CCDC57: variants seen among roughly 807,000 people sequenced by gnomAD.
CCDC57 encodes coiled-coil domain containing 57, also known as coiled-coil domain-containing protein 57.
A neutral mutation model predicts 118.9 loss-of-function variants in CCDC57; 118 were observed. The observed-to-expected ratio is 0.99, with a 90% confidence interval of 0.86 to 1.16. The LOEUF (loss-of-function observed/expected upper bound fraction) is 1.16, where lower values mean the gene tolerates loss of function less well. CCDC57 is among the 50% of genes most tolerant of loss of function. The probability of loss-of-function intolerance (pLI) is 0.00; values close to 1 mark genes in which losing one functional copy is unlikely to be tolerated. For synonymous variants in CCDC57, 527 were observed against 532.9 expected (o/e 0.99, Z 0.15); for missense variants, 1,300 against 1,320.7 (o/e 0.98, Z 0.24).
chr17:82,149,250 T>G, intron 16 of CCDC57, among the ~76,000 whole-genome samples: 3 of 82,398 alleles, frequency 3.6e-5, no homozygotes, highest in Non-Finnish European at 7.2e-5. Flanking sequence ...GATGGATGGA[T>G]GGATGGATGG....
At chr17:82,211,932 A>G (rs566246237) in intron 1 of CCDC57, among the ~76,000 whole-genome samples, 61 of 152,046 alleles carry the variant, frequency 4.0e-4, no homozygotes, top group African/African-American at 1.4e-3. Context: ...GGAACTGTTT[A>G]TTTTCCTGTA....
chr17:82,137,923 C>T (rs566706325), intron 16 of CCDC57, among the ~76,000 whole-genome samples: 92 of 151,928 alleles, frequency 6.1e-4, no homozygotes, highest in African/African-American at 2.2e-3. Flanking sequence ...CCACCTGCCT[C>T]GGCCTCCCAA....
In CCDC57 at chr17:82,194,153, A is replaced by C. The variant is rs1179467702; in HGVS notation, c.619-14T>G. 2 of 1,604,128 alleles carry C rather than the reference A, an allele frequency of 1.2e-6. No homozygotes were observed. ...CAGTAGTTTAACCTTTGAATGATAA[A>C]AATGAGTTCAAAATGAGGTGATAAT... On this transcript the variant is annotated splice_polypyrimidine_tract_variant and intron_variant, in intron 5 of 19. Transcript: ENST00000665763.
intron 1 of CCDC57, among the ~76,000 whole-genome samples, chr17:82,209,004 G>A (rs889404933): frequency 1.3e-5 from 2 of 152,128 alleles, no homozygotes; most frequent in Non-Finnish European, 2.9e-5. Flanking sequence ...CGTACTTATA[G>A]GTGTGAACCA....
In CCDC57 at chr17:82,159,348, A is replaced by C. The variant is rs535260146; in HGVS notation, c.2041-1400T>G. 6.6e-5 allele frequency among the ~76,000 whole-genome samples: 10 copies of C among 152,278 alleles called. 1 individual carries two copies. In the South Asian group the frequency reaches 1.9e-3, roughly 28 times the overall value. On this transcript the variant is annotated intron_variant, in intron 14 of 19. Coordinates refer to ENST00000665763, the Ensembl canonical transcript of CCDC57. The stretch of plus-strand genomic sequence containing the variant: ...TTCTTGTCTGTAGCATTTGTGCGGG[A>C]AATGGGGGAAACAGCAACTGCAAAG...
At chr17:82,141,734 T>G (rs1368488706) in intron 16 of CCDC57, among the ~76,000 whole-genome samples, 1 of 152,226 alleles carries the variant, frequency 6.6e-6, no homozygotes. Flanking sequence ...CCCTCAAGCC[T>G]TGTTACAACA....
At chr17:82,152,473 C>T (rs1409583150) in intron 15 of CCDC57, among the ~76,000 whole-genome samples, 3 of 152,220 alleles carry the variant, frequency 2.0e-5, no homozygotes, top group African/African-American at 4.8e-5. Flanking sequence ...CCTGGGTCAA[C>T]CCTAGATCTG....
intron 19 of CCDC57, among the ~76,000 whole-genome samples, chr17:82,103,413 T>A (rs1199213967): frequency 1.3e-5 from 2 of 152,116 alleles, no homozygotes; most frequent in African/African-American, 4.8e-5. Flanking sequence ...TACCACCCTT[T>A]ATCTCTCAAC....
intron 15 of CCDC57, chr17:82,154,385 C>A (rs1396468143): frequency 6.6e-6 from 1 of 152,370 alleles, no homozygotes; most frequent in Non-Finnish European, 1.5e-5. Context: ...GTCCCTGGAC[C>A]CCTGTGCACT....
At chr17:82,109,471 T>C (rs892233127) in intron 19 of CCDC57, among the ~76,000 whole-genome samples, 11 of 152,176 alleles carry the variant, frequency 7.2e-5, no homozygotes, top group Admixed American at 2.0e-4. Flanking sequence ...ATAAATAATA[T>C]GGAGATTAAG....
chr17:82,120,810 C>A (rs940345962), intron 19 of CCDC57, among the ~76,000 whole-genome samples: 1 of 151,984 alleles, frequency 6.6e-6, no homozygotes, highest in Non-Finnish European at 1.5e-5. Flanking sequence ...GGCTGGAGTG[C>A]AGTGGTGCAA....
At position 82,109,432 on chromosome 17, in the gene CCDC57, A is replaced by T. The variant is rs139830671; in HGVS notation, c.2900-7566T>A. Among the ~76,000 whole-genome samples the T allele has an allele frequency of 7.9e-3, 1,204 of 152,400 alleles. 5 individuals are homozygous for T. Among genetic ancestry groups the T allele is most frequent in the Non-Finnish European group, 0.013 (869 of 68,040 alleles). Reference sequence around the variant, plus strand: ...AACTTGATTTCTCCCATGTAAAACAAGAATGTAGGAAAATGAAACAAATGG... The same window carrying T: ...AACTTGATTTCTCCCATGTAAAACATGAATGTAGGAAAATGAAACAAATGG... On this transcript the variant is annotated intron_variant, in intron 19 of 19. Coordinates refer to ENST00000665763, the Ensembl canonical transcript of CCDC57.
chr17:82,157,839 C>T (rs998359629), exon 15 of CCDC57: 19 of 1,598,868 alleles, frequency 1.2e-5, no homozygotes, highest in Admixed American at 5.1e-5. Flanking sequence ...GAGATGCTTC[C>T]CCAGCTCAGC....
intron 11 of CCDC57, among the ~76,000 whole-genome samples, chr17:82,173,316 C>CAA (rs779664810): frequency 2.6e-5 from 4 of 152,140 alleles, no homozygotes; most frequent in Non-Finnish European, 5.9e-5. Flanking sequence ...TTAGTACAAT[C>CAA]AAACATCCAC....
At chr17:82,178,495 C>T (rs1259745418) in exon 11 of CCDC57, 2 of 1,613,088 alleles carry the variant, frequency 1.2e-6, no homozygotes, top group Non-Finnish European at 1.7e-6. Flanking sequence ...GTCTGGGGAG[C>T]CCATGCATCC....
rs781237763 is a variant in CCDC57 at position 82,201,827 on chromosome 17, G to A, written c.118C>T (p.Arg40Trp). ...CCCTGCGCCTCCTCCAGCTGGCTCC[G>A]TGTGTCCTGCAGAGCCGCCTCCTGC... The change falls in exon 3 of 20, where the codon CGG becomes TGG. Residue 40 changes from arginine to tryptophan, a missense_variant. Arg to Trp is a moderately radical substitution (Grantham distance 101, BLOSUM62 -3). Transcript: ENST00000665763. 16 of 1,613,696 alleles carry A rather than the reference G, an allele frequency of 9.9e-6. No homozygotes were observed. In the Middle Eastern group the frequency reaches 6.6e-4, roughly 67 times the overall value.
intron 10 of CCDC57, 102 bp from the exon 10 acceptor site, chr17:82,178,707 C>T (rs1161748539): frequency 1.3e-6 from 2 of 1,481,616 alleles, no homozygotes; most frequent in Non-Finnish European, 1.8e-6. Context: ...GCTCAGAGCA[C>T]CAGGCTCCCC....
At chr17:82,124,316 C>A (rs1319962497) in intron 19 of CCDC57, among the ~76,000 whole-genome samples, 2 of 151,870 alleles carry the variant, frequency 1.3e-5, no homozygotes, top group East Asian at 3.9e-4. Context: ...GCCCTATCTG[C>A]AAAGTGCAGT....
intron 8 of CCDC57, among the ~76,000 whole-genome samples, chr17:82,187,170 G>T (rs774252130): frequency 5.3e-4 from 78 of 146,638 alleles, no homozygotes; most frequent in Non-Finnish European, 9.7e-4. Context: ...CCGGGAAGTG[G>T]AGGTTGCGGT....
Sources: allele counts gnomAD v4.1 joint callset (sites outside exome capture counted in the v4.1 genomes callset), GRCh38; gene constraint gnomAD v4.1.1; transcripts MANE v1.5; gene names NCBI Gene and HGNC (gene_info 2026-07-23, HGNC 2026-07-21).